The following CYB561 variants were observed in gnomAD, a reference collection of about 807,000 sequenced individuals.
The protein encoded by CYB561 is transmembrane ascorbate-dependent reductase CYB561.
In CYB561, 11 loss-of-function variants were observed where a neutral mutation model predicts 25.3. That is an observed-to-expected ratio of 0.44 (90% CI 0.27 to 0.72). The LOEUF is 0.72. Among genes scored for constraint, CYB561 ranks in the 30% least tolerant of loss-of-function variants. The pLI, the probability that CYB561 is intolerant of heterozygous loss-of-function variation, is 0.18. For synonymous variants in CYB561, 165 were observed against 158.8 expected, an observed-to-expected ratio of 1.04 and a Z score of -0.29; for missense variants, 295 against 334.9, an observed-to-expected ratio of 0.88 and a Z score of 0.93.
At chr17:63,445,585 G>A (rs2049415531) in intron 1 of CYB561, among the ~76,000 whole-genome samples, 1 of 152,098 alleles carries the variant, frequency 6.6e-6, no homozygotes. Flanking sequence ...GTCGGGGACA[G>A]GGCAGGGAGG....
chr17:63,435,331 G>A (rs1282719623), intron 4 of CYB561, 88 bp from the exon 5 acceptor site: 26 of 1,429,458 alleles, frequency 1.8e-5, no homozygotes, highest in Admixed American at 3.9e-5. Flanking sequence ...ACGTGCCCAC[G>A]TGGCGACTGT....
At position 63,434,536 on chromosome 17, in the gene CYB561, G is replaced by T; in HGVS notation, c.622C>A (p.Leu208Met). The T allele has an allele frequency of 1.2e-6, 2 of 1,613,368 alleles. No homozygotes were observed. Among genetic ancestry groups the T allele is most frequent in the Non-Finnish European group, 1.7e-6 (2 of 1,179,976 alleles). ...AGCACCGCCCCACCGAAGCAGGCCA[G>T]CAGCAGGCCCAGCACGTTGGCCAGG... ...GVLANVLGLL[L>M]ACFGGAVLYI... Residue 208 changes from leucine to methionine, a missense_variant, in exon 6 of 6, where the codon CTG (leucine) becomes ATG (methionine). Physicochemically the swap from Leu to Met is conservative, Grantham distance 15. Transcript: ENST00000360793.
At chr17:63,435,347 C>T in intron 4 of CYB561, 104 bp from the exon 5 acceptor site, 1 of 1,271,662 alleles carries the variant, frequency 7.9e-7, no homozygotes, top group Non-Finnish European at 1.1e-6. Flanking sequence ...ACTGTGAGCC[C>T]CTCAGCCCTG....
At chr17:63,437,970 G>GGCCCCCCCCCCC in intron 1 of CYB561, 1 of 643,046 alleles carries the variant, frequency 1.6e-6, no homozygotes, top group South Asian at 1.8e-5. Context: ...TCCCACGGCG[G>GGCCCCCCCCCCC]CCCCGCCACC....
intron 1 of CYB561, among the ~76,000 whole-genome samples, chr17:63,441,159 G>C (rs1354522566): frequency 1.3e-5 from 2 of 152,222 alleles, no homozygotes; most frequent in Non-Finnish European, 2.9e-5. Context: ...ACATCCTACA[G>C]TGAAATGCCC....
chr17:63,435,576 G>T, intron 4 of CYB561, 112 bp downstream of exon 4: 1 of 925,708 alleles, frequency 1.1e-6, no homozygotes, highest in Non-Finnish European at 1.7e-6. Flanking sequence ...TCTCTCACCT[G>T]CACACACCCC....
rs2049246814 is a variant in CYB561, at chr17:63,433,001, G to A, written c.*1401C>T. ...TGCTCCTCAAACACCCAAAAAGAAAGGAAAACAGGGAGAGAACAGTCACCA... is the reference window on the plus strand; with the variant it reads ...TGCTCCTCAAACACCCAAAAAGAAAAGAAAACAGGGAGAGAACAGTCACCA... On this transcript the variant is annotated 3_prime_UTR_variant, in exon 6 of 6. Transcript: ENST00000360793. 6.0e-6 allele frequency: 1 copy of A among 167,084 alleles called. No homozygotes were observed. The highest frequency in any genetic ancestry group is 6.4e-5 in the Admixed American group (1 of 15,718). 10.4% of individuals were successfully genotyped at this position (167,084 alleles called of 1,614,324 possible). A position where few individuals can be genotyped will look rare whatever the true frequency, so the allele number is the denominator to read the frequency against.
intron 1 of CYB561, chr17:63,440,589 G>C (rs920458976): frequency 4.7e-6 from 1 of 211,298 alleles, no homozygotes; most frequent in Admixed American, 5.9e-5. Flanking sequence ...GCCCTCTAGA[G>C]GAGACGCCTG....
chr17:63,434,880 C>T (rs1019925940), intron 5 of CYB561, among the ~76,000 whole-genome samples: 4 of 152,268 alleles, frequency 2.6e-5, no homozygotes, highest in African/African-American at 9.6e-5. Context: ...GTGCCCATAG[C>T]CCAGAAGTTT....
chr17:63,434,778 C>CA (rs1185147752), intron 5 of CYB561, among the ~76,000 whole-genome samples, 184 bp from the exon 6 acceptor site: 1 of 152,034 alleles, frequency 6.6e-6, no homozygotes, highest in Non-Finnish European at 1.5e-5. Context: ...GGCTCACAGA[C>CA]AAAAAGAGAT....
chr17:63,437,231 T>C, intron 2 of CYB561, 115 bp downstream of exon 2: 1 of 822,028 alleles, frequency 1.2e-6, no homozygotes, highest in Non-Finnish European at 2.0e-6. Flanking sequence ...CTGTCTTTTC[T>C]AGAATCTTAG....
chr17:63,440,745 G>T (rs2049367137), intron 1 of CYB561: 1 of 153,688 alleles, frequency 6.5e-6, no homozygotes, highest in African/African-American at 2.4e-5. Context: ...TGCCCTGTCT[G>T]CTCCTCGAAG....
In CYB561 at chr17:63,434,980, C is replaced by T. The variant is rs374552491; in HGVS notation, c.563+106G>A. 1.1e-4 allele frequency: 136 copies of T among 1,238,896 alleles called. No individual in the cohort carries two copies. In the African/African-American group the frequency reaches 1.6e-3, roughly 14 times the overall value. The allele number at this position is 1,238,896 out of a possible 1,614,324, so 76.7% of individuals were successfully genotyped here. A position where few individuals can be genotyped will look rare whatever the true frequency, so the allele number is the denominator to read the frequency against. On this transcript the variant is annotated intron_variant, in intron 5 of 5. Transcript: ENST00000360793. ...GCATAACTACAGCCACCAGTTGTGACGCCACGAGAGGCGGCTCAGGAAGCC... is the reference window on the plus strand; with the variant it reads ...GCATAACTACAGCCACCAGTTGTGATGCCACGAGAGGCGGCTCAGGAAGCC...
At chr17:63,444,127 C>A (rs369134719) in intron 1 of CYB561, among the ~76,000 whole-genome samples, 1 of 152,160 alleles carries the variant, frequency 6.6e-6, no homozygotes, top group East Asian at 1.9e-4. Flanking sequence ...GGATTACAGG[C>A]GTGCTCCACG....
chr17:63,437,043 G>T (rs1311937982), intron 2 of CYB561: 4 of 462,606 alleles, frequency 8.6e-6, no homozygotes, highest in African/African-American at 7.8e-5. Context: ...CACCCCTGCA[G>T]CAGGGCCTGG....
At chr17:63,437,977 CACCCT>C in intron 1 of CYB561, 4 of 647,696 alleles carry the variant, frequency 6.2e-6, no homozygotes, top group Non-Finnish European at 9.7e-6. Flanking sequence ...GCGGCCCCGC[CACCCT>C]CCCCCGAGGC....
At chr17:63,444,971 T>A (rs1001178047) in intron 1 of CYB561, among the ~76,000 whole-genome samples, 4 of 151,750 alleles carry the variant, frequency 2.6e-5, no homozygotes, top group African/African-American at 9.7e-5. Flanking sequence ...AGGTTAGGAG[T>A]TCGAGACCAG....
chr17:63,435,269 G>A lies in CYB561; in HGVS notation c.406-26C>T, dbSNP rs199661718. On this transcript the variant is annotated intron_variant, in intron 4 of 5. Transcript: ENST00000360793. The stretch of plus-strand genomic sequence containing the variant: ...CTAGGATTTGAAAGGAGACGGTTCC[G>A]GGACAGGGCGGCCGGACACCCCAGC... 9.7e-4 allele frequency: 1,554 copies of A among 1,607,576 alleles called. 10 individuals are homozygous for A. In the Middle Eastern group the frequency reaches 0.017, roughly 18 times the overall value.
At chr17:63,439,906 C>T (rs2049357747) in intron 1 of CYB561, among the ~76,000 whole-genome samples, 1 of 152,154 alleles carries the variant, frequency 6.6e-6, no homozygotes, top group African/African-American at 2.4e-5. Context: ...AAATAAACAA[C>T]AGGATGTGGT....
Sources: allele counts gnomAD v4.1 joint callset (sites outside exome capture counted in the v4.1 genomes callset), GRCh38; gene constraint gnomAD v4.1.1; transcripts MANE v1.5; gene names NCBI Gene and HGNC (gene_info 2026-07-23, HGNC 2026-07-21).